MYO5B: variants seen among roughly 807,000 people sequenced by gnomAD.
The protein encoded by MYO5B is myosin VB, also known as unconventional myosin-Vb.
A neutral mutation model predicts 229.3 loss-of-function variants in MYO5B; 143 were observed. The observed-to-expected ratio is 0.62, with a 90% CI of 0.54 to 0.72. The LOEUF (loss-of-function observed/expected upper bound fraction) is 0.72, where lower values mean the gene tolerates loss of function less well. MYO5B is among the 30% of genes least tolerant of loss of function. MYO5B has a pLI of 0.00. For synonymous variants in MYO5B, 918 were observed against 885.2 expected, an observed-to-expected ratio of 1.04 and a Z score of -0.66; for missense variants, 2,321 against 2,331.0, an observed-to-expected ratio of 1.00 and a Z score of 0.09.
intron 4 of MYO5B, among the ~76,000 whole-genome samples, chr18:50,022,887 A>G (rs2026292155): frequency 6.6e-6 from 1 of 152,152 alleles, no homozygotes; most frequent in African/African-American, 2.4e-5. Flanking sequence ...CCCGGACCAG[A>G]CTAAGGAAGA....
chr18:49,866,097 T>C (rs996215903), intron 27 of MYO5B, among the ~76,000 whole-genome samples: 4 of 152,188 alleles, frequency 2.6e-5, no homozygotes, highest in Non-Finnish European at 5.9e-5. Context: ...GAGATGTAGT[T>C]TCGCTCTGTC....
chr18:49,903,861 C>A (rs754442407), intron 20 of MYO5B, among the ~76,000 whole-genome samples: 30 of 152,204 alleles, frequency 2.0e-4, no homozygotes, highest in Non-Finnish European at 3.2e-4. Flanking sequence ...ACACAAAGAG[C>A]AAGAACCTGG....
chr18:50,016,676 T>A (rs114390927), intron 4 of MYO5B, among the ~76,000 whole-genome samples: 1,817 of 152,284 alleles, frequency 0.012, 30 homozygotes, highest in African/African-American at 0.042. Context: ...AATTCATATA[T>A]CATACAATTC....
intron 27 of MYO5B, among the ~76,000 whole-genome samples, chr18:49,869,939 T>C (rs934523746): frequency 6.6e-6 from 1 of 152,168 alleles, no homozygotes; most frequent in Non-Finnish European, 1.5e-5. Context: ...GTGGGTAGGA[T>C]TGATGCCCCG....
At chr18:49,902,499 CG>C in intron 21 of MYO5B, 94 bp downstream of exon 21, 1 of 1,556,132 alleles carries the variant, frequency 6.4e-7, no homozygotes, top group Non-Finnish European at 8.7e-7. Context: ...CTCGGGTCTT[CG>C]GCATGTGCAG....
At chr18:50,081,954 A>G (rs1360923133) in intron 1 of MYO5B, among the ~76,000 whole-genome samples, 1 of 152,244 alleles carries the variant, frequency 6.6e-6, no homozygotes, top group Non-Finnish European at 1.5e-5. Context: ...ACCAAGAAGT[A>G]ATTTGTTTGG....
Position 50,125,132 on chromosome 18 carries a change from G to A in MYO5B, c.27+69635C>T, listed in dbSNP as rs373923752. On this transcript the variant is annotated intron_variant, in intron 1 of 39. Coordinates refer to ENST00000285039, the MANE Select transcript of MYO5B (RefSeq NM_001080467.3). ...CCATTTGAATGGTATTGAACAGAGC[G>A]CAAACCTACCTTTACAGCTTCTCTT... is the stretch of plus-strand genomic sequence containing the variant. 2.8e-4 allele frequency among the ~76,000 whole-genome samples: 43 copies of A among 152,240 alleles called. 1 individual carries two copies. The highest frequency in any genetic ancestry group is 1.7e-3 in the East Asian group (9 of 5,170).
chr18:49,934,468 G>C (rs1263819340), intron 16 of MYO5B, among the ~76,000 whole-genome samples: 1 of 152,324 alleles, frequency 6.6e-6, no homozygotes, highest in South Asian at 2.1e-4. Context: ...CTTTGAGAGG[G>C]GAGACCCAGC....
chr18:50,177,213 C>T (rs1480567441), intron 1 of MYO5B, among the ~76,000 whole-genome samples: 1 of 151,882 alleles, frequency 6.6e-6, no homozygotes, highest in Non-Finnish European at 1.5e-5. Flanking sequence ...CAGCAAAGGA[C>T]TACATGACAA....
chr18:50,079,139 G>T (rs2031155246), intron 1 of MYO5B, among the ~76,000 whole-genome samples: 1 of 152,226 alleles, frequency 6.6e-6, no homozygotes, highest in Non-Finnish European at 1.5e-5. Flanking sequence ...TCTTGATCAG[G>T]TTCTAGTTAC....
chr18:50,010,111 G>A (rs528304415), intron 4 of MYO5B, among the ~76,000 whole-genome samples: 3 of 152,366 alleles, frequency 2.0e-5, no homozygotes, highest in South Asian at 2.1e-4. Context: ...TTGGCAGGTA[G>A]AGTCCCAAGT....
chr18:50,003,678 G>C (rs2026070869), intron 4 of MYO5B, among the ~76,000 whole-genome samples: 2 of 151,998 alleles, frequency 1.3e-5, no homozygotes. Context: ...AAACTTCCTG[G>C]GTATCTGCAA....
intron 12 of MYO5B, among the ~76,000 whole-genome samples, chr18:49,962,046 A>G (rs1171028710): frequency 6.6e-6 from 1 of 152,218 alleles, no homozygotes; most frequent in Non-Finnish European, 1.5e-5. Context: ...CAAGAGAGGC[A>G]TACGTTTACC....
intron 17 of MYO5B, among the ~76,000 whole-genome samples, chr18:49,922,178 G>A (rs1872968265): frequency 6.6e-6 from 1 of 152,200 alleles, no homozygotes; most frequent in Non-Finnish European, 1.5e-5. Flanking sequence ...CATTACACTT[G>A]TATATTTCCT....
At chr18:50,155,417 A>C (rs180726068) in intron 1 of MYO5B, among the ~76,000 whole-genome samples, 2 of 152,370 alleles carry the variant, frequency 1.3e-5, no homozygotes, top group East Asian at 3.9e-4. Context: ...CCAGGTACTT[A>C]TCTTGGTAAT....
intron 1 of MYO5B, among the ~76,000 whole-genome samples, chr18:50,074,308 A>G (rs916953904): frequency 6.6e-6 from 1 of 152,220 alleles, no homozygotes; most frequent in African/African-American, 2.4e-5. Flanking sequence ...ACACATGGGA[A>G]TTCTGGGAGA....
chr18:49,865,583 C>G (rs2024386565), intron 27 of MYO5B, among the ~76,000 whole-genome samples: 1 of 152,128 alleles, frequency 6.6e-6, no homozygotes, highest in Admixed American at 6.5e-5. Context: ...GGAGGCAGCC[C>G]TGGGTCCCCT....
intron 4 of MYO5B, among the ~76,000 whole-genome samples, chr18:50,021,266 C>A (rs1344295587): frequency 1.3e-5 from 2 of 152,174 alleles, no homozygotes; most frequent in South Asian, 2.1e-4. Flanking sequence ...GCAAGCCTGG[C>A]AACACTTTGG....
At chr18:49,894,082 C>A (rs1425843248) in intron 22 of MYO5B, among the ~76,000 whole-genome samples, 1 of 152,196 alleles carries the variant, frequency 6.6e-6, no homozygotes, top group Non-Finnish European at 1.5e-5. Flanking sequence ...GGATGGGAAT[C>A]TGGGGACTCC....
Sources: gnomAD v4.1 joint callset for allele counts (sites outside exome capture counted in the v4.1 genomes callset) on GRCh38, gnomAD v4.1.1 for gene constraint, MANE v1.5 for transcripts, NCBI Gene and HGNC (gene_info 2026-07-23, HGNC 2026-07-21) for gene names.